RMND1: variants seen among roughly 807,000 people sequenced by gnomAD.
RMND1 encodes the protein required for meiotic nuclear division protein 1 homolog.
A neutral mutation model predicts 54.0 loss-of-function variants in RMND1; 41 were observed. The ratio of observed to expected loss-of-function variants is 0.76; its 90% CI spans 0.59 to 0.98. RMND1 has a LOEUF of 0.98. RMND1 is among the 50% of genes least tolerant of loss of function. The pLI, the probability that RMND1 is intolerant of heterozygous loss-of-function variation, is 0.00. For synonymous variants in RMND1, 183 were observed against 181.7 expected (o/e 1.01, Z -0.06); for missense variants, 457 against 532.0 (o/e 0.86, Z 1.39).
intron 5 of RMND1, among the ~76,000 whole-genome samples, chr6:151,429,223 G>T (rs1250105560): frequency 2.0e-5 from 3 of 151,704 alleles, no homozygotes; most frequent in African/African-American, 7.3e-5. Context: ...CAAGGTTTAA[G>T]CGATTCTTGT....
chr6:151,423,693 A>G, intron 6 of RMND1, 62 bp from the exon 7 acceptor site: 1 of 1,097,276 alleles, frequency 9.1e-7, no homozygotes, highest in Non-Finnish European at 1.4e-6. Context: ...TTTTCCTTTG[A>G]AAAAGACACC....
At chr6:151,447,178 G>A (rs1308067764) in intron 1 of RMND1, among the ~76,000 whole-genome samples, 9 of 152,196 alleles carry the variant, frequency 5.9e-5, no homozygotes, top group African/African-American at 2.2e-4. Context: ...ATCTCGGGGA[G>A]GTAGGAGTGA....
At chr6:151,435,999 G>A (rs768661463) in intron 3 of RMND1, among the ~76,000 whole-genome samples, 8 of 151,466 alleles carry the variant, frequency 5.3e-5, no homozygotes, top group African/African-American at 1.7e-4. Context: ...TAGCTACTCC[G>A]GAGGCTGAGG....
intron 2 of RMND1, among the ~76,000 whole-genome samples, chr6:151,440,026 A>G (rs1047363206): frequency 2.6e-5 from 4 of 151,810 alleles, no homozygotes; most frequent in African/African-American, 9.7e-5. Flanking sequence ...GTGCGATCTC[A>G]GCTCACTGCA....
chr6:151,405,240 A>AAAATACTCGTCC lies in RMND1; in HGVS notation c.1333_1344dup (p.Gly445_Phe448dup). On this transcript the variant is annotated inframe_insertion, in exon 12 of 12. Coordinates refer to ENST00000444024, the MANE Select transcript of RMND1 (RefSeq NM_017909.4). ...ACACTTTGGTTATCACTTGATCAGA[A>AAAATACTCGTCC]AAATACTCGTCCCAGCTCAAACATT... 1 of 1,613,012 alleles carries AAAATACTCGTCC rather than the reference A, an allele frequency of 6.2e-7. No homozygotes were observed. The highest frequency in any genetic ancestry group is 2.2e-5 in the East Asian group (1 of 44,862).
intron 3 of RMND1, 94 bp from the exon 4 acceptor site, chr6:151,433,324 A>C: frequency 2.8e-6 from 2 of 703,584 alleles, no homozygotes; most frequent in Non-Finnish European, 4.8e-6. Context: ...ACTTAAGATC[A>C]TTTCTTTATA....
chr6:151,433,601 T>C (rs1234852740), intron 3 of RMND1, among the ~76,000 whole-genome samples: 1 of 152,158 alleles, frequency 6.6e-6, no homozygotes, highest in Admixed American at 6.5e-5. Context: ...AAAATAAAAT[T>C]TGAAGAAGTA....
At chr6:151,416,972 C>A in intron 10 of RMND1, 1 of 191,312 alleles carries the variant, frequency 5.2e-6, no homozygotes, top group East Asian at 1.3e-4. Context: ...TATTTCTATT[C>A]TCACTGTCAC....
rs377114459 is a variant in RMND1, at chr6:151,445,744, C to T, written c.68G>A (p.Arg23Gln). Residue 23 changes from arginine to glutamine, a missense_variant, in exon 2 of 12, where the codon CGA (arginine) becomes CAA (glutamine). By Grantham distance (43) the Arg-to-Gln change is conservative (BLOSUM62 1). Transcript: ENST00000444024. ...TTTTAACATTAGATGACCGATTCTTCGGCACTGATGTGCTTTTGATAATAT... is the reference window on the plus strand; with the variant it reads ...TTTTAACATTAGATGACCGATTCTTTGGCACTGATGTGCTTTTGATAATAT... ...HHILSKAHQC[R>Q]RIGHLMLKPL... The T allele has an allele frequency of 1.4e-5, 22 of 1,613,720 alleles. No individual in the cohort carries two copies. Among genetic ancestry groups the T allele is most frequent in the African/African-American group, 1.3e-4 (10 of 74,908 alleles).
chr6:151,449,470 G>C (rs993824588), intron 1 of RMND1, among the ~76,000 whole-genome samples: 1 of 150,928 alleles, frequency 6.6e-6, no homozygotes, highest in African/African-American at 2.4e-5. Context: ...TGCTTATTTT[G>C]CTCCTCATTC....
At chr6:151,420,178 C>T (rs1780116559) in intron 9 of RMND1, among the ~76,000 whole-genome samples, 1 of 152,126 alleles carries the variant, frequency 6.6e-6, no homozygotes, top group Non-Finnish European at 1.5e-5. Flanking sequence ...TCAATTTCTG[C>T]TTGCATGACC....
rs886180082 is a variant in RMND1 at position 151,433,951 on chromosome 6, C to G, written c.614-721G>C. On this transcript the variant is annotated intron_variant, in intron 3 of 11. Transcript: ENST00000444024. ...CTGAACTCAAGGGACCCCCCCCCGC[C>G]CCACCCACCTCAGCCTCCCAAGTAG... is the stretch of plus-strand genomic sequence containing the variant. Among the ~76,000 whole-genome samples, 23 of 138,832 alleles carry G rather than the reference C, an allele frequency of 1.7e-4. 1 individual carries two copies. The highest frequency in any genetic ancestry group is 7.7e-5 in the Non-Finnish European group (5 of 64,566). The allele number at this position is 138,832 out of a possible 152,430, so 91.1% of individuals were successfully genotyped here.
chr6:151,411,883 C>T (rs1241521294), intron 10 of RMND1: 1 of 151,186 alleles, frequency 6.6e-6, no homozygotes, highest in Admixed American at 6.6e-5. Flanking sequence ...AAGTAGGTTT[C>T]CAGAATTTTC....
chr6:151,450,260 C>T (rs1157198242), intron 1 of RMND1, among the ~76,000 whole-genome samples: 1 of 151,596 alleles, frequency 6.6e-6, no homozygotes, highest in Non-Finnish European at 1.5e-5. Flanking sequence ...TCTGCCCCGC[C>T]GCCCCGTCTG....
intron 9 of RMND1, among the ~76,000 whole-genome samples, chr6:151,420,066 G>A (rs568715627): frequency 6.6e-6 from 1 of 152,166 alleles, no homozygotes; most frequent in East Asian, 1.9e-4. Flanking sequence ...TATTGTACAG[G>A]TAAGGAAACA....
At chr6:151,429,247 G>A (rs574006369) in intron 5 of RMND1, among the ~76,000 whole-genome samples, 2 of 151,806 alleles carry the variant, frequency 1.3e-5, no homozygotes, top group East Asian at 3.9e-4. Context: ...TCAGCTACCC[G>A]AGTAGCTGGG....
intron 1 of RMND1, among the ~76,000 whole-genome samples, chr6:151,447,675 C>T (rs1441109338): frequency 3.9e-5 from 6 of 152,176 alleles, no homozygotes; most frequent in African/African-American, 2.4e-5. Context: ...TCATTCTAGT[C>T]CAATTGGCTA....
intron 10 of RMND1, among the ~76,000 whole-genome samples, chr6:151,406,523 G>C (rs113257755): frequency 3.9e-5 from 6 of 151,952 alleles, no homozygotes; most frequent in Non-Finnish European, 7.4e-5. Context: ...CACCACGCCC[G>C]GCTAATTTTT....
At chr6:151,442,708 T>C (rs1021211159) in intron 2 of RMND1, among the ~76,000 whole-genome samples, 2 of 144,674 alleles carry the variant, frequency 1.4e-5, no homozygotes, top group African/African-American at 5.3e-5. Flanking sequence ...TTTTTTTTTT[T>C]TTTCCAAGTC....
Sources: allele counts gnomAD v4.1 joint callset (sites outside exome capture counted in the v4.1 genomes callset), GRCh38; gene constraint gnomAD v4.1.1; transcripts MANE v1.5; gene names NCBI Gene and HGNC (gene_info 2026-07-23, HGNC 2026-07-21).